LSAMP: variants seen among roughly 807,000 people sequenced by gnomAD.
LSAMP encodes the protein limbic system-associated membrane protein.
Under a neutral mutation model 38.6 loss-of-function variants are expected in LSAMP, and 7 were observed. That is an observed-to-expected ratio of 0.18 (90% CI 0.10 to 0.34). The LOEUF (loss-of-function observed/expected upper bound fraction) is 0.34. LSAMP is among the 10% of genes least tolerant of loss of function. The probability of loss-of-function intolerance (pLI) is 1.00; values close to 1 mark genes in which losing one functional copy is unlikely to be tolerated. For missense variants in LSAMP, 313 were observed against 420.0 expected, an observed-to-expected ratio of 0.75 and a Z score of 2.23; for synonymous variants, 154 against 166.8, an observed-to-expected ratio of 0.92 and a Z score of 0.59.
At chr3:116,029,033 T>C (rs1448121160) in intron 2 of LSAMP, among the ~76,000 whole-genome samples, 2 of 152,142 alleles carry the variant, frequency 1.3e-5, no homozygotes, top group Non-Finnish European at 2.9e-5. Flanking sequence ...GAAACTTAGC[T>C]GACTCCTTTT....
chr3:115,912,167 A>G (rs750779818), intron 3 of LSAMP, among the ~76,000 whole-genome samples: 3 of 152,128 alleles, frequency 2.0e-5, no homozygotes. Context: ...GATGAAGTCA[A>G]TTTATTGACT....
intron 1 of LSAMP, among the ~76,000 whole-genome samples, chr3:116,104,818 CA>C (rs1708426223): frequency 6.6e-6 from 1 of 152,114 alleles, no homozygotes; most frequent in Non-Finnish European, 1.5e-5. Context: ...TAAATCTACA[CA>C]AAAAGACCTT....
chr3:115,842,662 C>T, intron 4 of LSAMP, 84 bp from the exon 5 acceptor site: 1 of 1,547,232 alleles, frequency 6.5e-7, no homozygotes, highest in East Asian at 2.3e-5. Context: ...GAAGGACAAT[C>T]TGATTAGAGA....
chr3:116,182,966 C>G (rs1710522001), intron 1 of LSAMP, among the ~76,000 whole-genome samples: 1 of 151,802 alleles, frequency 6.6e-6, no homozygotes, highest in African/African-American at 2.4e-5. Context: ...AAGCTTAGGT[C>G]TAATTGCTGG....
chr3:115,845,235 C>T (rs1935116469), intron 4 of LSAMP, among the ~76,000 whole-genome samples: 1 of 152,182 alleles, frequency 6.6e-6, no homozygotes, highest in African/African-American at 2.4e-5. Flanking sequence ...CATTTCTTCT[C>T]ACTGTATTGT....
At chr3:116,213,015 G>A (rs2046179392) in intron 1 of LSAMP, among the ~76,000 whole-genome samples, 1 of 152,170 alleles carries the variant, frequency 6.6e-6, no homozygotes, top group African/African-American at 2.4e-5. Flanking sequence ...TGTACTGTGT[G>A]CATTTTTTAA....
chr3:116,154,500 A>G (rs542882288), intron 1 of LSAMP, among the ~76,000 whole-genome samples: 68 of 152,266 alleles, frequency 4.5e-4, no homozygotes, highest in African/African-American at 1.5e-3. Flanking sequence ...TAAACATTTC[A>G]CAGCTTGCCA....
chr3:116,198,710 A>G (rs6807792), intron 1 of LSAMP, among the ~76,000 whole-genome samples: 119,971 of 149,398 alleles, frequency 0.8, 48,932 homozygotes, highest in East Asian at 0.91. Flanking sequence ...GGCGCAGCTT[A>G]TAGTGAGCCT....
At chr3:116,140,583 A>T (rs1219735117) in intron 1 of LSAMP, among the ~76,000 whole-genome samples, 1 of 151,996 alleles carries the variant, frequency 6.6e-6, no homozygotes, top group Non-Finnish European at 1.5e-5. Context: ...ATCCCTCTGA[A>T]GCTCTAGATC....
intron 1 of LSAMP, among the ~76,000 whole-genome samples, chr3:116,296,712 A>G (rs1392858180): frequency 2.6e-5 from 4 of 150,970 alleles, no homozygotes; most frequent in African/African-American, 9.7e-5. Flanking sequence ...AAAAAAAAAA[A>G]AAAAAAAAAA....
chr3:115,963,377 G>T (rs910918035), intron 3 of LSAMP, among the ~76,000 whole-genome samples: 1 of 152,158 alleles, frequency 6.6e-6, no homozygotes, highest in Non-Finnish European at 1.5e-5. Flanking sequence ...CTTCTCAGAG[G>T]TGACAAATTG....
chr3:115,818,803 T>C (rs185861455), intron 6 of LSAMP, among the ~76,000 whole-genome samples: 25,127 of 108,970 alleles, frequency 0.23, 4,981 homozygotes, highest in Middle Eastern at 0.34. Flanking sequence ...TATATATATA[T>C]ATATATATAT....
intron 2 of LSAMP, among the ~76,000 whole-genome samples, chr3:116,059,486 G>T (rs924830302): frequency 6.6e-6 from 1 of 152,030 alleles, no homozygotes; most frequent in East Asian, 1.9e-4. Context: ...TATCACCTTC[G>T]TTCTACTTTT....
At chr3:116,192,806 G>A (rs1391299364) in intron 1 of LSAMP, among the ~76,000 whole-genome samples, 1 of 152,140 alleles carries the variant, frequency 6.6e-6, no homozygotes, top group Non-Finnish European at 1.5e-5. Flanking sequence ...TGGAATAGAT[G>A]ATATCTAAGG....
At chr3:116,099,050 G>C (rs1708287605) in intron 1 of LSAMP, among the ~76,000 whole-genome samples, 1 of 152,186 alleles carries the variant, frequency 6.6e-6, no homozygotes, top group South Asian at 2.1e-4. Flanking sequence ...CTGGTATCTG[G>C]ATTTGGAAGA....
chr3:116,088,193 T>C (rs1252090157), intron 1 of LSAMP, among the ~76,000 whole-genome samples: 1 of 152,192 alleles, frequency 6.6e-6, no homozygotes, highest in Non-Finnish European at 1.5e-5. Flanking sequence ...AGTAAGAATT[T>C]GACTTAATAA....
In LSAMP at chr3:115,939,747, T is replaced by C. The variant is rs141014431; in HGVS notation, c.514+79768A>G. On this transcript the variant is annotated intron_variant, in intron 3 of 6. Coordinates refer to ENST00000490035, the MANE Select transcript of LSAMP (RefSeq NM_002338.5). The stretch of plus-strand genomic sequence containing the variant: ...TTATTTTATTTTATTTTTGTAGAGA[T>C]GGGGTTCTTGCTAGCTCTTCCAGGC... Among the ~76,000 whole-genome samples, 32 of 152,134 alleles carry C rather than the reference T, an allele frequency of 2.1e-4. No individual in the cohort carries two copies. The East Asian group carries it at 5.6e-3, about 27-fold the overall frequency.
chr3:116,165,086 A>T (rs946584180), intron 1 of LSAMP, among the ~76,000 whole-genome samples: 1 of 152,148 alleles, frequency 6.6e-6, no homozygotes, highest in African/African-American at 2.4e-5. Flanking sequence ...TGCTTCATCC[A>T]GGTGTACAGA....
At chr3:116,181,477 C>T (rs1471956172) in intron 1 of LSAMP, among the ~76,000 whole-genome samples, 1 of 152,010 alleles carries the variant, frequency 6.6e-6, no homozygotes, top group African/African-American at 2.4e-5. Context: ...TCCAAATCTA[C>T]ACAGGAAGTT....
Sources: allele counts gnomAD v4.1 joint callset (sites outside exome capture counted in the v4.1 genomes callset), GRCh38; gene constraint gnomAD v4.1.1; transcripts MANE v1.5; gene names NCBI Gene and HGNC (gene_info 2026-07-23, HGNC 2026-07-21).